LIMD1: variants seen among roughly 807,000 people sequenced by gnomAD.
LIMD1 encodes LIM domain-containing protein 1.
Under a neutral mutation model 58.4 loss-of-function variants are expected in LIMD1, and 23 were observed. The ratio of observed to expected loss-of-function variants is 0.39; its 90% CI spans 0.28 to 0.56. The LOEUF (loss-of-function observed/expected upper bound fraction) is 0.56, where lower values mean the gene tolerates loss of function less well. Among genes scored for constraint, LIMD1 ranks in the 20% least tolerant of loss-of-function variants. The pLI is 0.57. For missense variants in LIMD1, 838 were observed against 855.5 expected (o/e 0.98, Z 0.25); for synonymous variants, 334 against 345.5 (o/e 0.97, Z 0.37).
At position 45,595,459 on chromosome 3, in the gene LIMD1, C is replaced by G. The variant is rs1701335808; in HGVS notation, c.580C>G (p.Pro194Ala). The G allele has an allele frequency of 6.2e-7, 1 of 1,613,752 alleles. No homozygotes were observed. The highest frequency in any genetic ancestry group is 1.3e-5 in the African/African-American group (1 of 74,936). Residue 194 changes from proline (P) to alanine (A), a missense_variant, in exon 1 of 8, where the codon CCA (proline) becomes GCA (alanine). Coordinates refer to ENST00000273317, the MANE Select transcript of LIMD1 (RefSeq NM_014240.3). ...GGCAAGCCCAAAGTGGGGTGACAAA[C>G]CAGGAGTGTCCCCCAGCATCGGCCT... ...SLASPKWGDK[P>A]GVSPSIGLSV...
At chr3:45,638,503 T>C (rs1366911837) in intron 2 of LIMD1, among the ~76,000 whole-genome samples, 2 of 152,224 alleles carry the variant, frequency 1.3e-5, no homozygotes, top group Non-Finnish European at 2.9e-5. Context: ...TATGGCTGTG[T>C]AGTATTCCAT....
intron 2 of LIMD1, among the ~76,000 whole-genome samples, chr3:45,648,588 G>A (rs1458562417): frequency 6.6e-6 from 1 of 152,140 alleles, no homozygotes; most frequent in East Asian, 1.9e-4. Flanking sequence ...CTGTTCTCTT[G>A]GGTAAATATT....
In LIMD1 at chr3:45,596,043, T is replaced by C. The variant is rs771851519; in HGVS notation, c.1164T>C (p.Leu388=). 6.2e-7 allele frequency: 1 copy of C among 1,614,204 alleles called. No individual in the cohort carries two copies. The highest frequency in any genetic ancestry group is 1.1e-5 in the South Asian group (1 of 91,090). ...GTCCCAAGCTCAGCCCCACCAGTCT[T>C]GTCCATCCAGTGATGTCCACCCTGC... ...GTGPKLSPTS[L]VHPVMSTLPE... is the part of the protein sequence containing the mutation. Residue 388 remains leucine, a synonymous_variant, in exon 1 of 8, where the codon CTT becomes CTC. Coordinates refer to ENST00000273317, the MANE Select transcript of LIMD1 (RefSeq NM_014240.3).
chr3:45,621,198 C>T (rs1378891629), intron 1 of LIMD1, among the ~76,000 whole-genome samples: 2 of 151,846 alleles, frequency 1.3e-5, no homozygotes, highest in East Asian at 1.9e-4. Context: ...TGAATTCCTC[C>T]CTTCCCCTCC....
intron 6 of LIMD1, 77 bp from the exon 7 acceptor site, chr3:45,674,266 C>A: frequency 2.7e-6 from 3 of 1,119,344 alleles, no homozygotes; most frequent in South Asian, 1.3e-5. Flanking sequence ...TCTTCCCTCC[C>A]CACCCCACGG....
intron 1 of LIMD1, among the ~76,000 whole-genome samples, chr3:45,601,681 C>T (rs1259477346): frequency 1.3e-5 from 2 of 152,222 alleles, no homozygotes; most frequent in African/African-American, 4.8e-5. Context: ...GCACCATTCT[C>T]TGTTTACAGT....
chr3:45,626,953 A>G (rs1701673399), intron 1 of LIMD1, among the ~76,000 whole-genome samples: 1 of 152,074 alleles, frequency 6.6e-6, no homozygotes, highest in Non-Finnish European at 1.5e-5. Context: ...CCAAAATGAT[A>G]AATATCATTT....
chr3:45,667,102 G>A (rs1697530743), intron 3 of LIMD1, among the ~76,000 whole-genome samples: 1 of 152,238 alleles, frequency 6.6e-6, no homozygotes, highest in South Asian at 2.1e-4. Flanking sequence ...ATGGCCAGAT[G>A]TTGGGAGGAC....
At chr3:45,676,687 G>A (rs936686566) in intron 7 of LIMD1, among the ~76,000 whole-genome samples, 5 of 152,082 alleles carry the variant, frequency 3.3e-5, no homozygotes, top group African/African-American at 2.4e-5. Flanking sequence ...CTAAGTCTTC[G>A]GAATCTGCAT....
In LIMD1 at chr3:45,594,801, A is replaced by ACACACACACACACACACAC. The variant is rs1559510599; in HGVS notation, c.-78_-60dup. 2.3e-3 allele frequency: 394 copies of ACACACACACACACACACAC among 171,920 alleles called. 4 individuals carry two copies. Among genetic ancestry groups the ACACACACACACACACACAC allele is most frequent in the South Asian group, 6.4e-3 (68 of 10,638 alleles). The allele number at this position is 171,920 out of a possible 1,614,324, so 10.6% of individuals were successfully genotyped here. A position where few individuals can be genotyped will look rare whatever the true frequency, so the allele number is the denominator to read the frequency against. On this transcript the variant is annotated 5_prime_UTR_variant, in exon 1 of 8. Transcript: ENST00000273317. ...TCAACACACACACACACACACACAC[A>ACACACACACACACACACAC]CACACACACACACACACACACACAC...
intron 1 of LIMD1, among the ~76,000 whole-genome samples, chr3:45,613,469 G>T (rs1461156700): frequency 2.6e-5 from 4 of 152,026 alleles, no homozygotes; most frequent in African/African-American, 9.7e-5. Flanking sequence ...CTATGCTGTT[G>T]CATTATCAAC....
intron 2 of LIMD1, among the ~76,000 whole-genome samples, chr3:45,641,491 A>G (rs1200241030): frequency 1.3e-5 from 2 of 148,528 alleles, no homozygotes; most frequent in African/African-American, 4.9e-5. Flanking sequence ...GCCAGATTTT[A>G]TATATAATTA....
rs577749583 is a variant in LIMD1 at position 45,614,650 on chromosome 3, G to A, written c.1408+18363G>A. 2.6e-5 allele frequency among the ~76,000 whole-genome samples: 4 copies of A among 151,878 alleles called. No homozygotes were observed. The South Asian group carries it at 8.3e-4, about 32-fold the overall frequency. On this transcript the variant is annotated intron_variant, in intron 1 of 7. Coordinates refer to ENST00000273317, the MANE Select transcript of LIMD1 (RefSeq NM_014240.3). The stretch of plus-strand genomic sequence containing the variant: ...AGGTGGGAGGATCATATGAGCCCAG[G>A]AGGTCAAAGCTGCAGTGAGCCATGA...
At chr3:45,598,952 C>T (rs1187107517) in intron 1 of LIMD1, among the ~76,000 whole-genome samples, 1 of 152,086 alleles carries the variant, frequency 6.6e-6, no homozygotes, top group East Asian at 1.9e-4. Flanking sequence ...CCATTATGCC[C>T]ATTTTACTGA....
chr3:45,624,982 ATTT>A (rs945183476), intron 1 of LIMD1, among the ~76,000 whole-genome samples: 17 of 149,902 alleles, frequency 1.1e-4, no homozygotes, highest in African/African-American at 3.9e-4. Context: ...GCAGAAGATG[ATTT>A]AATACCAATT....
At chr3:45,664,608 T>G (rs1697487506) in intron 2 of LIMD1, among the ~76,000 whole-genome samples, 2 of 152,210 alleles carry the variant, frequency 1.3e-5, no homozygotes, top group Admixed American at 1.3e-4. Context: ...TTTTTATGCC[T>G]TTTCCGCTGC....
Position 45,681,717 on chromosome 3 carries a change from C to G in LIMD1, c.*4658C>G, listed in dbSNP as rs1002009976. ...CATCCAAGACTGTTCACTAGATAAA[C>G]ATCCTTGAAAATATAAGTCTGGAAC... On this transcript the variant is annotated 3_prime_UTR_variant, in exon 8 of 8. Coordinates refer to ENST00000273317, the MANE Select transcript of LIMD1 (RefSeq NM_014240.3). 3.9e-5 allele frequency: 6 copies of G among 152,246 alleles called. No individual in the cohort carries two copies. Among genetic ancestry groups the G allele is most frequent in the African/African-American group, 1.4e-4 (6 of 41,462 alleles). The allele number at this position is 152,246 out of a possible 1,614,324, so 9.4% of individuals were successfully genotyped here.
intron 2 of LIMD1, among the ~76,000 whole-genome samples, chr3:45,641,450 C>A (rs1336342952): frequency 6.6e-6 from 1 of 150,640 alleles, no homozygotes; most frequent in East Asian, 1.9e-4. Context: ...TTATGAAAAT[C>A]TAGTTTAAAA....
rs929895203 is a variant in LIMD1, at chr3:45,594,832, C to G, written c.-48C>G. 1.2e-5 allele frequency: 12 copies of G among 997,848 alleles called. No individual in the cohort carries two copies. The highest frequency in any genetic ancestry group is 1.5e-5 in the Non-Finnish European group (10 of 678,134). 61.8% of individuals were successfully genotyped at this position (997,848 alleles called of 1,614,324 possible). On this transcript the variant is annotated 5_prime_UTR_variant, in exon 1 of 8. Transcript: ENST00000273317. ...ACACACACACACACACACACACACA[C>G]ACACACACACACGGCACCTGGGCTA...
Sources: allele counts gnomAD v4.1 joint callset (sites outside exome capture counted in the v4.1 genomes callset), GRCh38; gene constraint gnomAD v4.1.1; transcripts MANE v1.5; gene names NCBI Gene and HGNC (gene_info 2026-07-23, HGNC 2026-07-21).